The following CDK19 variants were observed in gnomAD, a reference collection of about 807,000 sequenced individuals.
CDK19 encodes the protein cyclin dependent kinase 19, also known as cyclin-dependent kinase 19.
In CDK19, 20 loss-of-function variants were observed where a neutral mutation model predicts 68.3. That is an observed-to-expected ratio of 0.29 (90% CI 0.21 to 0.43). The LOEUF (loss-of-function observed/expected upper bound fraction) is 0.43. Among genes scored for constraint, CDK19 ranks in the 20% least tolerant of loss-of-function variants. The pLI is 1.00. For synonymous variants in CDK19, 221 were observed against 222.8 expected, an observed-to-expected ratio of 0.99 and a Z score of 0.07; for missense variants, 339 against 623.5, an observed-to-expected ratio of 0.54 and a Z score of 4.86.
At chr6:110,810,475 G>C (rs955918262) in intron 1 of CDK19, among the ~76,000 whole-genome samples, 3 of 152,170 alleles carry the variant, frequency 2.0e-5, no homozygotes, top group African/African-American at 7.2e-5. Flanking sequence ...GAAAAAAACA[G>C]ATGAAAAGCA....
chr6:110,758,765 G>C (rs1249396359), intron 1 of CDK19, among the ~76,000 whole-genome samples: 1 of 151,988 alleles, frequency 6.6e-6, no homozygotes, highest in Non-Finnish European at 1.5e-5. Context: ...TCACCTAAAA[G>C]CAAGTACCTC....
At chr6:110,759,423 A>AT (rs1287081298) in intron 1 of CDK19, among the ~76,000 whole-genome samples, 12 of 119,020 alleles carry the variant, frequency 1.0e-4, no homozygotes, top group African/African-American at 3.2e-4. Flanking sequence ...AAAAAAAAAA[A>AT]AAAAAATATA....
intron 2 of CDK19, among the ~76,000 whole-genome samples, chr6:110,672,448 G>C (rs148104619): frequency 6.6e-6 from 1 of 152,148 alleles, no homozygotes; most frequent in African/African-American, 2.4e-5. Flanking sequence ...GATCCCACTA[G>C]AATAAATTCA....
At chr6:110,623,777 CATATAT>C (rs1199448856) in intron 8 of CDK19, among the ~76,000 whole-genome samples, 11 of 86,556 alleles carry the variant, frequency 1.3e-4, no homozygotes, top group African/African-American at 5.1e-4. Flanking sequence ...CATATATATA[CATATAT>C]ACACATATAT....
At chr6:110,637,374 T>C (rs1179969099) in intron 5 of CDK19, among the ~76,000 whole-genome samples, 2 of 152,118 alleles carry the variant, frequency 1.3e-5, no homozygotes, top group Non-Finnish European at 2.9e-5. Flanking sequence ...GCTACTTAAT[T>C]AACATCAACA....
chr6:110,765,703 G>A (rs1051105076), intron 1 of CDK19, among the ~76,000 whole-genome samples: 2 of 151,044 alleles, frequency 1.3e-5, no homozygotes, highest in Non-Finnish European at 2.9e-5. Context: ...AGACAAGGAG[G>A]GGAGGGGAAG....
chr6:110,645,939 C>A, intron 4 of CDK19: 1 of 1,110,458 alleles, frequency 9.0e-7, no homozygotes, highest in South Asian at 1.3e-5. Context: ...GGAGAGCCTG[C>A]GAGCCACCGA....
intron 1 of CDK19, among the ~76,000 whole-genome samples, chr6:110,794,075 T>C (rs1246106674): frequency 6.6e-6 from 1 of 152,188 alleles, no homozygotes; most frequent in African/African-American, 2.4e-5. Context: ...AGATGGAGTC[T>C]CGCTCTGTCA....
intron 2 of CDK19, among the ~76,000 whole-genome samples, chr6:110,727,260 T>G (rs1055507185): frequency 2.6e-5 from 4 of 152,112 alleles, no homozygotes; most frequent in Admixed American, 2.6e-4. Flanking sequence ...CATACCCCTT[T>G]CACTAACTAC....
At position 110,621,446 on chromosome 6, in the gene CDK19, T is replaced by G. The variant is rs934613882; in HGVS notation, c.1111-76A>C. 5.5e-6 allele frequency: 8 copies of G among 1,467,404 alleles called. No individual in the cohort carries two copies. In the African/African-American group the frequency reaches 9.9e-5, roughly 18 times the overall value. The allele number at this position is 1,467,404 out of a possible 1,614,324, so 90.9% of individuals were successfully genotyped here. A position where few individuals can be genotyped will look rare whatever the true frequency, so the allele number is the denominator to read the frequency against. On this transcript the variant is annotated intron_variant, in intron 11 of 12. Transcript: ENST00000368911. The surrounding 1 kb of genome is among the most constrained non-coding windows in gnomAD (Gnocchi z 5.4). Reference sequence around the variant, plus strand: ...TTTCTTTAATTATTTGATATGCACATGTGGCTGCTGACCAACCTGGGGGAG... The same window carrying G: ...TTTCTTTAATTATTTGATATGCACAGGTGGCTGCTGACCAACCTGGGGGAG...
At chr6:110,647,588 A>C (rs1263769517) in intron 4 of CDK19, among the ~76,000 whole-genome samples, 2 of 152,226 alleles carry the variant, frequency 1.3e-5, no homozygotes, top group African/African-American at 2.4e-5. Context: ...TAACCTACAA[A>C]TTGATTCACA....
intron 8 of CDK19, among the ~76,000 whole-genome samples, chr6:110,623,910 C>CGT (rs1778917225): frequency 2.5e-5 from 3 of 121,944 alleles, no homozygotes; most frequent in African/African-American, 9.7e-5. Flanking sequence ...TATATATATA[C>CGT]GTATATATAT....
At chr6:110,697,901 A>G (rs949152809) in intron 2 of CDK19, among the ~76,000 whole-genome samples, 9 of 152,180 alleles carry the variant, frequency 5.9e-5, no homozygotes, top group African/African-American at 2.2e-4. Context: ...GCAAACAAAA[A>G]TATAAAGTGG....
At chr6:110,710,157 A>G (rs1245491092) in intron 2 of CDK19, among the ~76,000 whole-genome samples, 2 of 152,202 alleles carry the variant, frequency 1.3e-5, no homozygotes, top group Non-Finnish European at 2.9e-5. Context: ...AAGTAAAAGC[A>G]ATAGAAAAGT....
intron 2 of CDK19, among the ~76,000 whole-genome samples, chr6:110,699,833 T>C (rs1773838005): frequency 2.6e-5 from 4 of 152,122 alleles, no homozygotes. Context: ...GCTAACAAAA[T>C]GTTTGGAAAT....
At chr6:110,738,331 G>A (rs1352263494) in intron 2 of CDK19, among the ~76,000 whole-genome samples, 11 of 148,092 alleles carry the variant, frequency 7.4e-5, no homozygotes, top group Admixed American at 6.1e-4. Context: ...CCAACACGGT[G>A]AAACCCCATC....
chr6:110,693,327 A>G (rs151301419), intron 2 of CDK19, among the ~76,000 whole-genome samples: 2,125 of 152,354 alleles, frequency 0.014, 53 homozygotes, highest in African/African-American at 0.049. Flanking sequence ...CTGAAAATCC[A>G]GATCATGGGA....
intron 1 of CDK19, among the ~76,000 whole-genome samples, chr6:110,788,087 A>G (rs1412280656): frequency 2.0e-5 from 3 of 151,474 alleles, no homozygotes; most frequent in African/African-American, 7.3e-5. Flanking sequence ...TGATCTGCCC[A>G]CCTCGGCCTC....
At chr6:110,699,499 A>T (rs2114627190) in intron 2 of CDK19, among the ~76,000 whole-genome samples, 1 of 152,118 alleles carries the variant, frequency 6.6e-6, no homozygotes, top group African/African-American at 2.4e-5. Flanking sequence ...ATGGCAAACC[A>T]AATACCATAT....
Sources: allele counts gnomAD v4.1 joint callset (sites outside exome capture counted in the v4.1 genomes callset), GRCh38; gene constraint gnomAD v4.1.1; non-coding constraint Gnocchi (gnomAD v3.1); transcripts MANE v1.5; gene names NCBI Gene and HGNC (gene_info 2026-07-23, HGNC 2026-07-21).